The following SCAPER variants were observed in gnomAD, a reference collection of about 807,000 sequenced individuals.
SCAPER encodes the protein S-phase cyclin A associated protein in the ER, also known as S phase cyclin A-associated protein in the endoplasmic reticulum.
Under a neutral mutation model 182.2 loss-of-function variants are expected in SCAPER, and 98 were observed. The ratio of observed to expected loss-of-function variants is 0.54; its 90% CI spans 0.46 to 0.64. The LOEUF (loss-of-function observed/expected upper bound fraction) is 0.64. Among genes scored for constraint, SCAPER ranks in the 30% least tolerant of loss-of-function variants. The pLI, the probability that SCAPER is intolerant of heterozygous loss-of-function variation, is 0.00. For synonymous variants in SCAPER, 605 were observed against 564.6 expected, an observed-to-expected ratio of 1.07 and a Z score of -1.01; for missense variants, 1,432 against 1,690.0, an observed-to-expected ratio of 0.85 and a Z score of 2.68.
intron 2 of SCAPER, among the ~76,000 whole-genome samples, chr15:76,882,921 C>G (rs1423053959): frequency 6.6e-6 from 1 of 152,158 alleles, no homozygotes; most frequent in Non-Finnish European, 1.5e-5. Flanking sequence ...GTCTAGGCCT[C>G]CCAAAGTGCT....
At chr15:76,780,230 G>A (rs572654091) in intron 8 of SCAPER, among the ~76,000 whole-genome samples, 12 of 152,342 alleles carry the variant, frequency 7.9e-5, no homozygotes, top group Admixed American at 2.0e-4. Context: ...ATTCTCTCCC[G>A]CGCCTGGCTC....
chr15:76,606,455 G>A (rs1192810234), intron 22 of SCAPER, among the ~76,000 whole-genome samples: 4 of 152,116 alleles, frequency 2.6e-5, no homozygotes, highest in East Asian at 3.8e-4. Flanking sequence ...TCAATTTGGG[G>A]TAGGTGTGGT....
At chr15:76,624,243 A>G (rs2052368779) in intron 21 of SCAPER, among the ~76,000 whole-genome samples, 2 of 152,320 alleles carry the variant, frequency 1.3e-5, no homozygotes, top group Admixed American at 6.5e-5. Flanking sequence ...ATTTCTATAC[A>G]CCGATAACAT....
intron 24 of SCAPER, among the ~76,000 whole-genome samples, chr15:76,489,846 C>T (rs912396814): frequency 3.3e-5 from 5 of 152,260 alleles, no homozygotes; most frequent in African/African-American, 1.2e-4. Context: ...CTCTCTGCTT[C>T]TGTGAATTTA....
At chr15:76,736,380 G>A (rs143569625) in intron 15 of SCAPER, among the ~76,000 whole-genome samples, 11 of 152,276 alleles carry the variant, frequency 7.2e-5, no homozygotes, top group East Asian at 1.9e-4. Flanking sequence ...GGACAACAAC[G>A]AAGTTTGCCA....
At chr15:76,661,773 C>T (rs536850006) in intron 21 of SCAPER, among the ~76,000 whole-genome samples, 6 of 152,236 alleles carry the variant, frequency 3.9e-5, no homozygotes, top group Non-Finnish European at 5.9e-5. Flanking sequence ...GACAGTGTGG[C>T]GATTCCTCAA....
At chr15:76,652,365 CACACACATATAT>C (rs1341335422) in intron 21 of SCAPER, among the ~76,000 whole-genome samples, 7 of 27,638 alleles carry the variant, frequency 2.5e-4, no homozygotes, top group African/African-American at 9.7e-4. Context: ...CACACACACA[CACACACATATAT>C]ATATATATAT....
intron 4 of SCAPER, among the ~76,000 whole-genome samples, chr15:76,849,316 A>C (rs1035617761): frequency 2.0e-5 from 3 of 152,180 alleles, no homozygotes; most frequent in Non-Finnish European, 4.4e-5. Flanking sequence ...CCCTCAGACT[A>C]ACAAAGAAAC....
chr15:76,395,698 T>TA (rs1335282434), intron 27 of SCAPER, among the ~76,000 whole-genome samples: 1 of 152,154 alleles, frequency 6.6e-6, no homozygotes, highest in Admixed American at 6.5e-5. Flanking sequence ...ATTGGATTAT[T>TA]AGAGTTTTTC....
intron 17 of SCAPER, among the ~76,000 whole-genome samples, chr15:76,720,773 G>A (rs1005764675): frequency 4.0e-5 from 6 of 151,796 alleles, no homozygotes; most frequent in African/African-American, 1.5e-4. Flanking sequence ...TTTTGATGGG[G>A]TTGTTTTTTT....
intron 5 of SCAPER, among the ~76,000 whole-genome samples, chr15:76,819,914 A>C (rs1377083406): frequency 6.6e-6 from 1 of 152,252 alleles, no homozygotes; most frequent in Non-Finnish European, 1.5e-5. Flanking sequence ...CAACCCCATC[A>C]AAAAGTGGGC....
At position 76,605,746 on chromosome 15, in the gene SCAPER, T is replaced by C. The variant is rs2050331261; in HGVS notation, c.2711+16018A>G. Among the ~76,000 whole-genome samples the C allele has an allele frequency of 2.0e-5, 3 of 152,244 alleles. No homozygotes were observed. In the South Asian group the frequency reaches 6.2e-4, roughly 32 times the overall value. On this transcript the variant is annotated intron_variant, in intron 22 of 31. Transcript: ENST00000563290. ...GAGATTCAGCTTCTTCCTGGTTTAG[T>C]CTTGGGAGGATGTATGTGTCGATGA... is the stretch of plus-strand genomic sequence containing the variant.
chr15:76,836,528 C>T (rs2068965909), intron 5 of SCAPER, among the ~76,000 whole-genome samples: 1 of 152,114 alleles, frequency 6.6e-6, no homozygotes, highest in East Asian at 1.9e-4. Flanking sequence ...AAGACTGAAA[C>T]TGGACCACTT....
chr15:76,722,095 T>C (rs2060282299), intron 17 of SCAPER, among the ~76,000 whole-genome samples: 1 of 152,158 alleles, frequency 6.6e-6, no homozygotes, highest in Non-Finnish European at 1.5e-5. Context: ...TTTTGAGATT[T>C]GTCCCATCAA....
At chr15:76,682,345 C>T (rs777272002) in intron 20 of SCAPER, among the ~76,000 whole-genome samples, 1 of 150,850 alleles carries the variant, frequency 6.6e-6, no homozygotes, top group Non-Finnish European at 1.5e-5. Flanking sequence ...CCCAATGATG[C>T]CCCCAGCTGA....
chr15:76,796,426 A>G (rs2065334084), intron 7 of SCAPER, among the ~76,000 whole-genome samples: 1 of 152,224 alleles, frequency 6.6e-6, no homozygotes, highest in Admixed American at 6.5e-5. Flanking sequence ...TCTACTTAAT[A>G]TTTAAATTAT....
chr15:76,618,167 C>T (rs372928826), intron 22 of SCAPER, among the ~76,000 whole-genome samples: 2 of 152,068 alleles, frequency 1.3e-5, no homozygotes, highest in East Asian at 1.9e-4. Flanking sequence ...GGCTGAGGCA[C>T]GAGAACCACT....
At chr15:76,492,242 A>C (rs2052392831) in intron 24 of SCAPER, among the ~76,000 whole-genome samples, 1 of 152,230 alleles carries the variant, frequency 6.6e-6, no homozygotes, top group South Asian at 2.1e-4. Context: ...ATGATCTTTA[A>C]AATTTTAAAA....
Position 76,775,158 on chromosome 15 carries a change from A to G in SCAPER, c.773-41T>C, listed in dbSNP as rs2063674883. On this transcript the variant is annotated intron_variant, in intron 8 of 31. Coordinates refer to ENST00000563290, the MANE Select transcript of SCAPER (RefSeq NM_020843.4). ...AAAAAACAAATCAAGATTTATTTAG[A>G]TGATAAAAATATTTGGAAACTCATA... 6 of 1,516,078 alleles carry G rather than the reference A, an allele frequency of 4.0e-6. No individual in the cohort carries two copies. In the South Asian group the frequency reaches 7.8e-5, roughly 20 times the overall value. The allele number at this position is 1,516,078 out of a possible 1,614,324, so 93.9% of individuals were successfully genotyped here.
Sources: gnomAD v4.1 joint callset for allele counts (sites outside exome capture counted in the v4.1 genomes callset) on GRCh38, gnomAD v4.1.1 for gene constraint, MANE v1.5 for transcripts, NCBI Gene and HGNC (gene_info 2026-07-23, HGNC 2026-07-21) for gene names.